The following RYR2 variants were observed in gnomAD, a reference collection of about 807,000 sequenced individuals.
RYR2 encodes cardiac muscle ryanodine receptor-calcium release channel.
RYR2 carries 227 observed loss-of-function variants against 601.1 expected under a neutral mutation model. The ratio of observed to expected loss-of-function variants is 0.38; its 90% CI spans 0.34 to 0.42. The LOEUF (loss-of-function observed/expected upper bound fraction) is 0.42. Ranked by LOEUF, RYR2 falls within the 10% of genes least tolerant of loss-of-function variation. RYR2 has a pLI of 1.00. For synonymous variants in RYR2, 2,223 were observed against 2,175.1 expected, an observed-to-expected ratio of 1.02 and a Z score of -0.61; for missense variants, 4,646 against 6,156.5, an observed-to-expected ratio of 0.75 and a Z score of 8.21.
chr1:237,744,393 C>T (rs1375896143), intron 80 of RYR2, among the ~76,000 whole-genome samples: 1 of 149,776 alleles, frequency 6.7e-6, no homozygotes, highest in Non-Finnish European at 1.5e-5. Flanking sequence ...CAGAGGCTTA[C>T]GCTTGTAATC....
Position 237,148,528 on chromosome 1 carries a change from ATATATATAT to A in RYR2, c.48+105960_48+105968del, listed in dbSNP as rs1376947183. Among the ~76,000 whole-genome samples, 104 of 76,924 alleles carry A rather than the reference ATATATATAT, an allele frequency of 1.4e-3. 1 individual carries two copies. Among genetic ancestry groups the A allele is most frequent in the Non-Finnish European group, 2.1e-3 (82 of 38,726 alleles). 50.5% of individuals were successfully genotyped at this position (76,924 alleles called of 152,430 possible). ...CAGAACTTCAAGTAAAAAAAAAAAA[ATATATATAT>A]ATATATATATATATATACACACACA... On this transcript the variant is annotated intron_variant, in intron 1 of 104. Transcript: ENST00000366574.
chr1:237,486,286 C>A (rs1426379747), intron 17 of RYR2, among the ~76,000 whole-genome samples: 1 of 152,104 alleles, frequency 6.6e-6, no homozygotes, highest in Non-Finnish European at 1.5e-5. Flanking sequence ...TTGAAATCAA[C>A]TTGGAATAGT....
At chr1:237,631,329 A>T in intron 41 of RYR2, 98 bp from the exon 42 acceptor site, 1 of 740,022 alleles carries the variant, frequency 1.4e-6, no homozygotes, top group Non-Finnish European at 2.3e-6. Flanking sequence ...TTTACTTTTC[A>T]ACTCACATAA....
intron 33 of RYR2, among the ~76,000 whole-genome samples, chr1:237,594,714 C>T (rs764303061): frequency 2.0e-5 from 3 of 151,708 alleles, no homozygotes; most frequent in Non-Finnish European, 4.4e-5. Flanking sequence ...TGTTCTTTCC[C>T]TTCTGCTTGC....
chr1:237,595,356 A>G (rs1291967166), intron 33 of RYR2, 142 bp from the exon 34 acceptor site: 3 of 884,698 alleles, frequency 3.4e-6, no homozygotes, highest in Middle Eastern at 2.8e-4. Flanking sequence ...TCAGAATCAC[A>G]GAATCGGGCC....
Position 237,711,807 on chromosome 1 carries a change from T to C in RYR2, c.10293T>C (p.Leu3431=), listed in dbSNP as rs727505058. The stretch of plus-strand genomic sequence containing the variant: ...ATGAAATCAACAATATGTCTTTCCT[T>C]ATTACTGATACCAAGTCAAAGATGT... The part of the protein sequence containing the change: ...VQNEINNMSF[L]ITDTKSKMSK... Residue 3431 remains leucine, a synonymous_variant, in exon 71 of 105, where the codon CTT becomes CTC. Coordinates refer to ENST00000366574, the MANE Select transcript of RYR2 (RefSeq NM_001035.3). 9.1e-6 allele frequency: 14 copies of C among 1,537,614 alleles called. 1 individual carries two copies. The African/African-American group carries it at 1.9e-4, about 21-fold the overall frequency.
chr1:237,664,929 G>A (rs1185362026), intron 56 of RYR2, among the ~76,000 whole-genome samples: 2 of 152,152 alleles, frequency 1.3e-5, no homozygotes, highest in Non-Finnish European at 2.9e-5. Context: ...TGGGAACTAT[G>A]GTGTTGATAG....
intron 1 of RYR2, among the ~76,000 whole-genome samples, chr1:237,258,439 G>A (rs1688208256): frequency 6.6e-6 from 1 of 152,024 alleles, no homozygotes; most frequent in Non-Finnish European, 1.5e-5. Context: ...CTGGGAATCT[G>A]GCATTCATTA....
At chr1:237,670,869 G>A (rs957013166) in intron 58 of RYR2, among the ~76,000 whole-genome samples, 8 of 152,172 alleles carry the variant, frequency 5.3e-5, no homozygotes, top group African/African-American at 1.9e-4. Context: ...TACTCAAAAA[G>A]TTTCTGATTT....
chr1:237,534,729 T>A (rs752206896), intron 25 of RYR2, among the ~76,000 whole-genome samples: 1 of 152,078 alleles, frequency 6.6e-6, no homozygotes, highest in Non-Finnish European at 1.5e-5. Flanking sequence ...TATTTCTTGA[T>A]CTTGCTAAAT....
chr1:237,148,948 T>C (rs944561293), intron 1 of RYR2, among the ~76,000 whole-genome samples: 3 of 152,114 alleles, frequency 2.0e-5, no homozygotes, highest in Non-Finnish European at 2.9e-5. Context: ...ACCCCAAATT[T>C]TGTGAATTCT....
chr1:237,069,985 A>T (rs1273817895), intron 1 of RYR2, among the ~76,000 whole-genome samples: 1 of 150,290 alleles, frequency 6.7e-6, no homozygotes, highest in Non-Finnish European at 1.5e-5. Context: ...AAACTGGTCC[A>T]GTTAAGCTAC....
chr1:237,042,354 C>T lies in RYR2; in HGVS notation c.-168C>T. The stretch of plus-strand genomic sequence containing the variant: ...CACCCGCGCCCGAGCGTCCGCGCCT[C>T]CTCCTCCGCTCTGCAGGCGGGGACC... On this transcript the variant is annotated 5_prime_UTR_variant, in exon 1 of 105. Transcript: ENST00000366574. 1 of 515,920 alleles carries T rather than the reference C, an allele frequency of 1.9e-6. No homozygotes were observed. The highest frequency in any genetic ancestry group is 2.8e-6 in the Non-Finnish European group (1 of 361,756). The allele number at this position is 515,920 out of a possible 1,614,324, so 32.0% of individuals were successfully genotyped here.
chr1:237,454,393 G>T lies in RYR2; in HGVS notation c.1295G>T (p.Gly432Val), dbSNP rs897586535. ...GAAATGTTTATGGTTTATTTTAGGG[G>T]CCTTGATGCTCTCAGCAAGAAAGCG... ...TVFLFNRFIR[G>V]LDALSKKAKA... The change falls in exon 15 of 105, where the codon GGC (glycine) becomes GTC (valine). Residue 432 changes from glycine to valine, a missense_variant and splice_region_variant. Coordinates refer to ENST00000366574, the MANE Select transcript of RYR2 (RefSeq NM_001035.3). 3 of 1,603,292 alleles carry T rather than the reference G, an allele frequency of 1.9e-6. No homozygotes were observed. Among genetic ancestry groups the T allele is most frequent in the African/African-American group, 2.7e-5 (2 of 74,454 alleles).
chr1:237,679,986 G>T (rs1685726616), intron 61 of RYR2, among the ~76,000 whole-genome samples: 1 of 152,060 alleles, frequency 6.6e-6, no homozygotes, highest in Non-Finnish European at 1.5e-5. Flanking sequence ...AGAATATTGT[G>T]TAGGCAACTA....
chr1:237,720,859 C>A (rs936282344), intron 73 of RYR2, among the ~76,000 whole-genome samples: 1 of 152,056 alleles, frequency 6.6e-6, no homozygotes, highest in Admixed American at 6.6e-5. Flanking sequence ...TTCTAAAGGT[C>A]ACTTGTAAGA....
intron 34 of RYR2, among the ~76,000 whole-genome samples, chr1:237,599,910 T>A (rs1036090812): frequency 1.3e-5 from 2 of 151,754 alleles, no homozygotes; most frequent in East Asian, 1.9e-4. Context: ...TGAAATAAAT[T>A]TAAGAGGACA....
At chr1:237,561,433 G>A (rs550173861) in intron 27 of RYR2, among the ~76,000 whole-genome samples, 2 of 152,172 alleles carry the variant, frequency 1.3e-5, no homozygotes, top group Non-Finnish European at 2.9e-5. Flanking sequence ...ATGTTGAAAG[G>A]ATCAGGAATC....
chr1:237,560,425 A>G (rs1045543283), intron 27 of RYR2, among the ~76,000 whole-genome samples: 3 of 152,204 alleles, frequency 2.0e-5, no homozygotes, highest in African/African-American at 7.2e-5. Flanking sequence ...CAGAAAAGGG[A>G]ACATAATGAC....
Sources: gnomAD v4.1 joint callset for allele counts (sites outside exome capture counted in the v4.1 genomes callset) on GRCh38, gnomAD v4.1.1 for gene constraint, MANE v1.5 for transcripts, NCBI Gene and HGNC (gene_info 2026-07-23, HGNC 2026-07-21) for gene names.